MYO3A: variants seen among roughly 807,000 people sequenced by gnomAD.
MYO3A encodes the protein myosin IIIA, also known as myosin-IIIa.
MYO3A carries 180 observed loss-of-function variants against 192.7 expected under a neutral mutation model. That is an observed-to-expected ratio of 0.93 (90% confidence interval 0.83 to 1.06). The LOEUF (loss-of-function observed/expected upper bound fraction) is 1.06. Among genes scored for constraint, MYO3A ranks in the 50% least tolerant of loss-of-function variants. The probability of loss-of-function intolerance (pLI) is 0.00; values close to 1 mark genes in which losing one functional copy is unlikely to be tolerated. For synonymous variants in MYO3A, 628 were observed against 645.3 expected (o/e 0.97, Z 0.41); for missense variants, 1,896 against 1,905.0 (o/e 1.00, Z 0.09).
chr10:26,016,147 T>C (rs7906451), intron 6 of MYO3A, among the ~76,000 whole-genome samples: 14,363 of 152,112 alleles, frequency 0.094, 1,192 homozygotes, highest in African/African-American at 0.21. Flanking sequence ...CAGTTATGAG[T>C]GTATCTAACA....
chr10:26,206,282 A>C (rs1042042413), intron 34 of MYO3A, among the ~76,000 whole-genome samples: 3 of 150,150 alleles, frequency 2.0e-5, no homozygotes, highest in Non-Finnish European at 3.0e-5. Flanking sequence ...GCTGGTCTTG[A>C]ACTTCTGGCC....
At chr10:25,953,751 T>C (rs531607316) in intron 3 of MYO3A, among the ~76,000 whole-genome samples, 4 of 152,294 alleles carry the variant, frequency 2.6e-5, no homozygotes, top group African/African-American at 9.6e-5. Flanking sequence ...CCCTATTTAG[T>C]ATAATTTAAT....
intron 20 of MYO3A, among the ~76,000 whole-genome samples, chr10:26,136,664 C>T (rs982796557): frequency 6.6e-6 from 1 of 152,128 alleles, no homozygotes; most frequent in Non-Finnish European, 1.5e-5. Flanking sequence ...ATGTAGTCAG[C>T]CTACTTAAGC....
chr10:26,145,392 A>G (rs1023741470), intron 21 of MYO3A, 54 bp from the exon 22 acceptor site: 1 of 1,262,008 alleles, frequency 7.9e-7, no homozygotes. Context: ...TTTTCGCAGT[A>G]TTTTTTGAGG....
At chr10:25,999,717 C>T (rs1840665971) in intron 6 of MYO3A, among the ~76,000 whole-genome samples, 1 of 152,166 alleles carries the variant, frequency 6.6e-6, no homozygotes, top group Admixed American at 6.5e-5. Flanking sequence ...GCACCTCATA[C>T]TCAGAATGTC....
chr10:26,155,864 T>G (rs369573216), intron 25 of MYO3A, among the ~76,000 whole-genome samples: 3 of 152,356 alleles, frequency 2.0e-5, no homozygotes, highest in African/African-American at 7.2e-5. Context: ...ATACCACTGT[T>G]GTTGGCATCA....
At chr10:26,139,105 G>A (rs1382518453) in intron 20 of MYO3A, among the ~76,000 whole-genome samples, 1 of 152,110 alleles carries the variant, frequency 6.6e-6, no homozygotes, top group East Asian at 1.9e-4. Context: ...TAGCTGACAG[G>A]CATTAAGTAT....
In MYO3A at chr10:26,090,049, C is replaced by A. The variant is rs1836603006; in HGVS notation, c.1562+1644C>A. 7.2e-5 allele frequency among the ~76,000 whole-genome samples: 11 copies of A among 152,216 alleles called. No individual in the cohort carries two copies. The South Asian group carries it at 2.3e-3, about 32-fold the overall frequency. On this transcript the variant is annotated intron_variant, in intron 15 of 34. Coordinates refer to ENST00000642920, the MANE Select transcript of MYO3A (RefSeq NM_017433.5). ...CATGTGTGTCAGTGCCGTTGCCACC[C>A]ATAACTAGAAGGACCGCGGGATCTT...
At chr10:26,035,675 A>T (rs557016146) in intron 10 of MYO3A, among the ~76,000 whole-genome samples, 4 of 152,190 alleles carry the variant, frequency 2.6e-5, no homozygotes, top group Non-Finnish European at 4.4e-5. Flanking sequence ...GCCTTCTGAG[A>T]CAATAGCCAA....
chr10:26,155,803 T>G (rs1841076166), intron 25 of MYO3A, among the ~76,000 whole-genome samples: 1 of 152,228 alleles, frequency 6.6e-6, no homozygotes, highest in Non-Finnish European at 1.5e-5. Flanking sequence ...CTGAACGTAT[T>G]TACAGCCAAG....
At chr10:25,977,459 C>A (rs1307050869) in intron 4 of MYO3A, among the ~76,000 whole-genome samples, 1 of 152,062 alleles carries the variant, frequency 6.6e-6, no homozygotes, top group South Asian at 2.1e-4. Context: ...TGAGCCTCAC[C>A]TAGTGGTTTC....
At chr10:26,132,557 G>A (rs1472476813) in intron 20 of MYO3A, among the ~76,000 whole-genome samples, 1 of 152,136 alleles carries the variant, frequency 6.6e-6, no homozygotes, top group Non-Finnish European at 1.5e-5. Flanking sequence ...ACAGCGTATT[G>A]ATCTAGAATC....
chr10:26,138,013 A>C, intron 20 of MYO3A, among the ~76,000 whole-genome samples: 1 of 152,066 alleles, frequency 6.6e-6, no homozygotes, highest in Non-Finnish European at 1.5e-5. Flanking sequence ...TCTTTGTTGG[A>C]CCCTTATCAG....
In MYO3A at chr10:26,127,697, C is replaced by T. The variant is rs955796603; in HGVS notation, c.2115-694C>T. Among the ~76,000 whole-genome samples the T allele has an allele frequency of 6.0e-5, 9 of 150,210 alleles. No homozygotes were observed. The East Asian group carries it at 1.6e-3, about 26-fold the overall frequency. On this transcript the variant is annotated intron_variant, in intron 19 of 34. Transcript: ENST00000642920. ...TGTACTTTCTTTTTATAATTCACAT[C>T]AAAATAACTCTACAATGTATATATT...
chr10:25,935,070 C>T (rs918026438), intron 1 of MYO3A, among the ~76,000 whole-genome samples: 1 of 152,072 alleles, frequency 6.6e-6, no homozygotes, highest in Non-Finnish European at 1.5e-5. Context: ...TGGGTCGGCC[C>T]GTCCCTGAGG....
intron 9 of MYO3A, 73 bp from the exon 10 acceptor site, chr10:26,026,304 T>G: frequency 1.3e-6 from 2 of 1,551,334 alleles, no homozygotes; most frequent in African/African-American, 1.4e-5. Flanking sequence ...TTAGATTAAT[T>G]TTTAGGAATA....
intron 23 of MYO3A, among the ~76,000 whole-genome samples, chr10:26,152,227 C>T (rs1016433097): frequency 6.6e-6 from 1 of 152,202 alleles, no homozygotes; most frequent in East Asian, 1.9e-4. Flanking sequence ...ATTTTATATT[C>T]ACCCAGATGT....
intron 17 of MYO3A, 94 bp downstream of exon 17, chr10:26,096,776 A>AT (rs1293219221): frequency 1.2e-6 from 1 of 859,320 alleles, no homozygotes; most frequent in Admixed American, 2.0e-5. Context: ...ATATACCAGC[A>AT]TAAGTGCTTT....
chr10:26,125,003 T>G (rs1839128669), intron 18 of MYO3A, among the ~76,000 whole-genome samples: 1 of 152,222 alleles, frequency 6.6e-6, no homozygotes, highest in Non-Finnish European at 1.5e-5. Flanking sequence ...TCCAGTTAAT[T>G]TCTACATTTT....
Sources: gnomAD v4.1 joint callset for allele counts (sites outside exome capture counted in the v4.1 genomes callset) on GRCh38, gnomAD v4.1.1 for gene constraint, MANE v1.5 for transcripts, NCBI Gene and HGNC (gene_info 2026-07-23, HGNC 2026-07-21) for gene names.